Variants in TMTC4 observed in about 807,000 individuals in gnomAD.
The protein encoded by TMTC4 is protein O-mannosyl-transferase TMTC4.
Under a neutral mutation model 86.0 loss-of-function variants are expected in TMTC4, and 65 were observed. The observed-to-expected ratio is 0.76, with a 90% CI of 0.62 to 0.93. The LOEUF (loss-of-function observed/expected upper bound fraction) is 0.93. TMTC4 is among the 40% of genes least tolerant of loss of function. The pLI, the probability that TMTC4 is intolerant of heterozygous loss-of-function variation, is 0.00. For missense variants in TMTC4, 866 were observed against 948.1 expected, an observed-to-expected ratio of 0.91 and a Z score of 1.14; for synonymous variants, 379 against 382.5, an observed-to-expected ratio of 0.99 and a Z score of 0.11.
chr13:100,620,970 T>C (rs1242862143), intron 15 of TMTC4, among the ~76,000 whole-genome samples: 1 of 152,170 alleles, frequency 6.6e-6, no homozygotes, highest in South Asian at 2.1e-4. Context: ...AGCTGGATAA[T>C]TAAACCACAA....
chr13:100,656,542 C>CT (rs35563246), intron 5 of TMTC4, 74 bp from the exon 6 acceptor site: 36,006 of 382,870 alleles, frequency 0.094, 182 homozygotes, highest in East Asian at 0.12. Flanking sequence ...GGAGACATAA[C>CT]TTTTTTTTTT....
At position 100,626,094 on chromosome 13, in the gene TMTC4, G is replaced by A. The variant is rs1413930022; in HGVS notation, c.1563C>T (p.Ile521=). ...ACCTTACAGCTTCCCGGTAGTATCT[G>A]ATGGCAGCTGTCTGGTTGCCTTTAT... ...LADKGNQTAA[I]RYYREAVRLN... Residue 521 remains isoleucine, a synonymous_variant, in exon 13 of 19, where the codon ATC becomes ATT. Transcript: ENST00000342624. 6.2e-7 allele frequency: 1 copy of A among 1,614,102 alleles called. No homozygotes were observed. The highest frequency in any genetic ancestry group is 2.2e-5 in the East Asian group (1 of 44,900).
At position 100,604,078 on chromosome 13, in the gene TMTC4, C is replaced by T. The variant is rs1876215302; in HGVS notation, c.*916G>A. On this transcript the variant is annotated 3_prime_UTR_variant, in exon 19 of 19. Transcript: ENST00000342624. ...GGAACAACTCAATTCTTAAAAATAC[C>T]ACGAATTCCCCGAATGTGGCTCCAT... is the stretch of plus-strand genomic sequence containing the variant. The T allele has an allele frequency of 6.6e-6, 1 of 152,502 alleles. No individual in the cohort carries two copies. Among genetic ancestry groups the T allele is most frequent in the African/African-American group, 2.4e-5 (1 of 41,408 alleles). The allele number at this position is 152,502 out of a possible 1,614,324, so 9.4% of individuals were successfully genotyped here.
intron 15 of TMTC4, among the ~76,000 whole-genome samples, chr13:100,621,757 T>C (rs1879521678): frequency 6.6e-6 from 1 of 152,204 alleles, no homozygotes; most frequent in East Asian, 1.9e-4. Flanking sequence ...CCAAGTCTCA[T>C]ATTTAGTCAC....
chr13:100,673,353 CAGA>C (rs1594399044), intron 1 of TMTC4: 5 of 985,460 alleles, frequency 5.1e-6, no homozygotes, highest in Non-Finnish European at 4.8e-6. Context: ...CAGCCACCTA[CAGA>C]AGAATATTCC....
intron 17 of TMTC4, among the ~76,000 whole-genome samples, chr13:100,611,353 A>AGG (rs1205182535): frequency 1.3e-5 from 2 of 152,322 alleles, no homozygotes; most frequent in African/African-American, 4.8e-5. Flanking sequence ...TGGGAAGCCG[A>AGG]GGAGGGTGGA....
chr13:100,632,015 CCACACACA>C lies in TMTC4; in HGVS notation c.1506+2782_1506+2789del, dbSNP rs60522457. Among the ~76,000 whole-genome samples the C allele has an allele frequency of 5.0e-3, 497 of 99,326 alleles. 2 individuals carry two copies. The highest frequency in any genetic ancestry group is 7.1e-3 in the African/African-American group (170 of 23,878). The allele number at this position is 99,326 out of a possible 152,430, so 65.2% of individuals were successfully genotyped here. A position where few individuals can be genotyped will look rare whatever the true frequency, so the allele number is the denominator to read the frequency against. ...ATGTATTCCTTAAATTAAGAGGAAA[CCACACACA>C]CACACACACACACACACACACACAC... is the stretch of plus-strand genomic sequence containing the variant. On this transcript the variant is annotated intron_variant, in intron 12 of 18. Transcript: ENST00000342624.
rs546899719 is a variant in TMTC4, at chr13:100,609,146, G to A, written c.2065-2719C>T. Among the ~76,000 whole-genome samples, 6 of 152,262 alleles carry A rather than the reference G, an allele frequency of 3.9e-5. No individual in the cohort carries two copies. The East Asian group carries it at 9.7e-4, about 24-fold the overall frequency. ...CCTTCCTTCTGATTGCATTGGGGCT[G>A]AAGTCTGCACTTGGTGGTGGTGTGT... On this transcript the variant is annotated intron_variant, in intron 17 of 18. Coordinates refer to ENST00000342624, the MANE Select transcript of TMTC4 (RefSeq NM_032813.5).
At chr13:100,611,067 T>C (rs963082912) in intron 17 of TMTC4, among the ~76,000 whole-genome samples, 1 of 152,226 alleles carries the variant, frequency 6.6e-6, no homozygotes, top group Non-Finnish European at 1.5e-5. Context: ...TATCTTACCA[T>C]TGTTATTGAA....
chr13:100,675,035 T>A (rs1273489031), upstream of TMTC4: 11 of 985,442 alleles, frequency 1.1e-5, no homozygotes, highest in Non-Finnish European at 1.3e-5. Flanking sequence ...GGGGCGCTAG[T>A]CGGCGGCGAA....
chr13:100,615,944 C>T (rs1296345462), intron 15 of TMTC4, among the ~76,000 whole-genome samples: 1 of 152,116 alleles, frequency 6.6e-6, no homozygotes, highest in East Asian at 1.9e-4. Context: ...TCTATGATTG[C>T]CATCTTTATG....
intron 15 of TMTC4, among the ~76,000 whole-genome samples, chr13:100,620,747 G>T (rs1011448761): frequency 6.6e-6 from 1 of 152,134 alleles, no homozygotes; most frequent in South Asian, 2.1e-4. Context: ...TTCCACAAGA[G>T]AACTGCCTTA....
chr13:100,631,105 T>C (rs543971969), intron 12 of TMTC4, among the ~76,000 whole-genome samples: 3 of 152,358 alleles, frequency 2.0e-5, no homozygotes, highest in Admixed American at 6.5e-5. Context: ...ATATAAATGA[T>C]TGAAAAGCTT....
At chr13:100,625,373 TTAC>T (rs1880311949) in intron 15 of TMTC4, 159 bp downstream of exon 15, 2 of 1,000,066 alleles carry the variant, frequency 2.0e-6, no homozygotes, top group Admixed American at 4.6e-5. Flanking sequence ...CTTTAAAAAA[TTAC>T]TCAAAAGGAA....
chr13:100,612,512 T>G lies in TMTC4; in HGVS notation c.1952-2A>C. ...CTGCTTCAGCTTGGGCTAAATTACC[T>G]GGGAGTGAAAAATGGAAAAATAAAA... On this transcript the variant is annotated splice_acceptor_variant, in intron 16 of 18. Transcript: ENST00000342624. LOFTEE classifies it high-confidence loss of function. 6.2e-7 allele frequency: 1 copy of G among 1,606,694 alleles called. No individual in the cohort carries two copies. The highest frequency in any genetic ancestry group is 8.5e-7 in the Non-Finnish European group (1 of 1,176,204).
At position 100,604,377 on chromosome 13, in the gene TMTC4, G is replaced by A. The variant is rs1371588360; in HGVS notation, c.*617C>T. The A allele has an allele frequency of 6.6e-6, 1 of 152,460 alleles. No individual in the cohort carries two copies. The highest frequency in any genetic ancestry group is 1.5e-5 in the Non-Finnish European group (1 of 68,034). 9.4% of individuals were successfully genotyped at this position (152,460 alleles called of 1,614,324 possible). A position where few individuals can be genotyped will look rare whatever the true frequency, so the allele number is the denominator to read the frequency against. ...AAGTCAGAGCATCCAAAAACTGCAA[G>A]AGTCAATTTCTTCCTATGGGGAAAA... is the stretch of plus-strand genomic sequence containing the variant. On this transcript the variant is annotated 3_prime_UTR_variant, in exon 19 of 19. Transcript: ENST00000342624.
Position 100,670,426 on chromosome 13 carries a change from A to T in TMTC4, c.-64T>A. The T allele has an allele frequency of 1.9e-6, 3 of 1,568,754 alleles. No individual in the cohort carries two copies. The highest frequency in any genetic ancestry group is 2.6e-6 in the Non-Finnish European group (3 of 1,156,566). On this transcript the variant is annotated 5_prime_UTR_variant, in exon 2 of 19. Transcript: ENST00000342624. ...GGCTCAGATTTACAATCCAGAGATG[A>T]AACAGGCCGCAACTCTTCCACTGCT... is the stretch of plus-strand genomic sequence containing the variant.
intron 6 of TMTC4, among the ~76,000 whole-genome samples, chr13:100,644,144 C>T (rs371942285): frequency 1.4e-5 from 2 of 140,622 alleles, no homozygotes; most frequent in South Asian, 2.4e-4. Flanking sequence ...CTCACTCTGT[C>T]GCCCAGGCTG....
intron 1 of TMTC4, 38 bp downstream of exon 1, chr13:100,674,706 G>A (rs1387585786): frequency 1.6e-5 from 16 of 983,150 alleles, no homozygotes; most frequent in Non-Finnish European, 1.8e-5. Context: ...CTCGCCCCGC[G>A]GCGCGCTCGG....
Sources: gnomAD v4.1 joint callset for allele counts (sites outside exome capture counted in the v4.1 genomes callset) on GRCh38, gnomAD v4.1.1 for gene constraint, MANE v1.5 for transcripts, NCBI Gene and HGNC (gene_info 2026-07-23, HGNC 2026-07-21) for gene names.